KDM1B: variants seen among roughly 807,000 people sequenced by gnomAD.
KDM1B encodes the protein lysine-specific histone demethylase 2.
A neutral mutation model predicts 107.4 loss-of-function variants in KDM1B; 63 were observed. The ratio of observed to expected loss-of-function variants is 0.59; its 90% CI spans 0.48 to 0.72. KDM1B has a LOEUF of 0.72. Among genes scored for constraint, KDM1B ranks in the 30% least tolerant of loss-of-function variants. The pLI, the probability that KDM1B is intolerant of heterozygous loss-of-function variation, is 0.00. For synonymous variants in KDM1B, 363 were observed against 363.9 expected, an observed-to-expected ratio of 1.00 and a Z score of 0.03; for missense variants, 749 against 1,020.8, an observed-to-expected ratio of 0.73 and a Z score of 3.63.
At chr6:18,198,006 A>G (rs1186387659) in intron 12 of KDM1B, among the ~76,000 whole-genome samples, 6 of 150,972 alleles carry the variant, frequency 4.0e-5, no homozygotes, top group Non-Finnish European at 7.4e-5. Flanking sequence ...GCTCACCGCA[A>G]CCTCTGCCTC....
chr6:18,194,904 T>C (rs549395300), intron 10 of KDM1B, among the ~76,000 whole-genome samples: 9 of 152,308 alleles, frequency 5.9e-5, no homozygotes, highest in Middle Eastern at 3.4e-3. Flanking sequence ...TTTTTCATTA[T>C]CCCAAGAGGG....
intron 16 of KDM1B, 107 bp downstream of exon 16, chr6:18,207,636 C>T: frequency 1.5e-6 from 2 of 1,378,392 alleles, no homozygotes; most frequent in South Asian, 2.5e-5. Context: ...GGTGTTTAGC[C>T]AGGGTCTAGA....
At chr6:18,181,163 C>G (rs986552584) in intron 7 of KDM1B, among the ~76,000 whole-genome samples, 1 of 151,990 alleles carries the variant, frequency 6.6e-6, no homozygotes, top group Non-Finnish European at 1.5e-5. Flanking sequence ...ACAAAGATAG[C>G]AGAAAAAAAT....
At chr6:18,216,038 A>G (rs566932594) in intron 20 of KDM1B, among the ~76,000 whole-genome samples, 1 of 152,246 alleles carries the variant, frequency 6.6e-6, no homozygotes, top group Non-Finnish European at 1.5e-5. Context: ...ATGTAAGTTA[A>G]AGAGAAAGGG....
rs1188914223 is a variant in KDM1B, at chr6:18,191,210, C to T, written c.798C>T (p.Asn266=). ...AALSVHVPGM[N]RYFQPFYQPN... ...GTTACCTATCAGTTCCAGGCATGAA[C>T]CGATACTTCCAGCCTTTCTACCAGC... The change falls in exon 10 of 22, where the codon AAC becomes AAT. Residue 266 remains asparagine (N), a synonymous_variant. Coordinates refer to ENST00000650836, the MANE Select transcript of KDM1B (RefSeq NM_001364614.2). This position sits in a 1 kb window ranked among gnomAD's most constrained non-coding sequence, Gnocchi z 5.1. 3 of 1,550,412 alleles carry T rather than the reference C, an allele frequency of 1.9e-6. No homozygotes were observed. The highest frequency in any genetic ancestry group is 3.9e-5 in the Admixed American group (2 of 50,958).
intron 6 of KDM1B, 23 bp downstream of exon 6, chr6:18,166,401 T>A (rs1561908685): frequency 7.3e-7 from 1 of 1,377,462 alleles, no homozygotes; most frequent in East Asian, 2.3e-5. Context: ...ATGCTCTCTG[T>A]CTGTGAAGTA....
chr6:18,164,283 G>T (rs1396148857), intron 5 of KDM1B, among the ~76,000 whole-genome samples: 1 of 151,614 alleles, frequency 6.6e-6, no homozygotes, highest in Non-Finnish European at 1.5e-5. Context: ...GTGCACTACC[G>T]CACCTGGCTG....
intron 16 of KDM1B, among the ~76,000 whole-genome samples, 174 bp downstream of exon 16, chr6:18,207,703 C>T (rs1181781548): frequency 6.6e-6 from 1 of 152,172 alleles, no homozygotes; most frequent in Non-Finnish European, 1.5e-5. Context: ...AGTGAGGCAG[C>T]TGCTGCTGCT....
Position 18,212,361 on chromosome 6 carries a change from A to G in KDM1B, c.1867-127A>G, listed in dbSNP as rs150567093. 0.014 allele frequency: 10,069 copies of G among 738,116 alleles called. 110 individuals carry two copies. The highest frequency in any genetic ancestry group is 0.016 in the Non-Finnish European group (6,709 of 407,198). 45.7% of individuals were successfully genotyped at this position (738,116 alleles called of 1,614,324 possible). On this transcript the variant is annotated intron_variant, in intron 17 of 21. Transcript: ENST00000650836. The surrounding 1 kb of genome is among the most constrained non-coding windows in gnomAD (Gnocchi z 5.2). ...CATTGGCACCCTTGTGCAGTGAGCA[A>G]CCTGCACAGTTGCACATGGCAGCCC...
rs1234692236 is a variant in KDM1B at position 18,201,222 on chromosome 6, A to G, written c.1360-264A>G. Among the ~76,000 whole-genome samples the G allele has an allele frequency of 6.6e-6, 1 of 152,244 alleles. No individual in the cohort carries two copies. Among genetic ancestry groups the G allele is most frequent in the Non-Finnish European group, 1.5e-5 (1 of 68,044 alleles). On this transcript the variant is annotated intron_variant, in intron 13 of 21. Transcript: ENST00000650836. The surrounding 1 kb of genome is among the most constrained non-coding windows in gnomAD (Gnocchi z 4.3). ...ACAGGCAGTGTCTAGCATCTGAAAC[A>G]TTAGCCAAAAAGTTACAATGGGCAT...
At chr6:18,182,484 T>G (rs1251322997) in intron 7 of KDM1B, among the ~76,000 whole-genome samples, 1 of 152,196 alleles carries the variant, frequency 6.6e-6, no homozygotes, top group Non-Finnish European at 1.5e-5. Flanking sequence ...TTAATATGTC[T>G]TAAAAGATGT....
In KDM1B at chr6:18,200,982, T is replaced by C. The variant is rs1787992013; in HGVS notation, c.1359+406T>C. 6.6e-6 allele frequency among the ~76,000 whole-genome samples: 1 copy of C among 152,228 alleles called. No homozygotes were observed. The highest frequency in any genetic ancestry group is 1.5e-5 in the Non-Finnish European group (1 of 68,036). On this transcript the variant is annotated intron_variant, in intron 13 of 21. Coordinates refer to ENST00000650836, the MANE Select transcript of KDM1B (RefSeq NM_001364614.2). This position sits in a 1 kb window ranked among gnomAD's most constrained non-coding sequence, Gnocchi z 4.3. ...TGGGACATACTTATACTTAAAAAAA[T>C]TATGTATTACTAATCTGAACATCAT...
intron 12 of KDM1B, among the ~76,000 whole-genome samples, chr6:18,198,648 A>C (rs996153606): frequency 7.1e-5 from 10 of 141,520 alleles, no homozygotes; most frequent in East Asian, 5.9e-4. Context: ...AAAAAAAAAA[A>C]AAAAAAAAAC....
intron 10 of KDM1B, among the ~76,000 whole-genome samples, chr6:18,192,713 T>C (rs2150940547): frequency 6.8e-6 from 1 of 146,740 alleles, no homozygotes; most frequent in East Asian, 2.0e-4. Context: ...AAGACCAGCC[T>C]GGGCAAGATA....
At chr6:18,158,173 C>A (rs1784752174) in intron 2 of KDM1B, among the ~76,000 whole-genome samples, 1 of 152,018 alleles carries the variant, frequency 6.6e-6, no homozygotes, top group Non-Finnish European at 1.5e-5. Flanking sequence ...TGTTGTAGAA[C>A]TAAATGGCAG....
At chr6:18,173,942 C>T (rs777610072) in intron 7 of KDM1B, among the ~76,000 whole-genome samples, 1 of 152,084 alleles carries the variant, frequency 6.6e-6, no homozygotes, top group Non-Finnish European at 1.5e-5. Context: ...CACACCACCA[C>T]ACCTGGCTAA....
chr6:18,208,619 ATATATATATTTTTTTTTTTTTTTTTTTT>A (rs1266256229), intron 17 of KDM1B, among the ~76,000 whole-genome samples: 3 of 38,370 alleles, frequency 7.8e-5, no homozygotes, highest in Non-Finnish European at 1.5e-4. Context: ...ATATATATAT[ATATATATATTTTTTTTTTTTTTTTTTTT>A]TTTTTTTTTT....
intron 12 of KDM1B, among the ~76,000 whole-genome samples, chr6:18,199,579 A>C (rs908437611): frequency 6.6e-6 from 1 of 152,090 alleles, no homozygotes; most frequent in Non-Finnish European, 1.5e-5. Context: ...CTGCCTGTGC[A>C]CCCAAGAGCA....
In KDM1B at chr6:18,223,688, A is replaced by G. The variant is rs1454844779; in HGVS notation, c.*1696A>G. 2.6e-5 allele frequency: 4 copies of G among 152,174 alleles called. No homozygotes were observed. The highest frequency in any genetic ancestry group is 7.2e-5 in the African/African-American group (3 of 41,460). 9.4% of individuals were successfully genotyped at this position (152,174 alleles called of 1,614,324 possible). A position where few individuals can be genotyped will look rare whatever the true frequency, so the allele number is the denominator to read the frequency against. ...CATACTTCATTTGATTTTTTGTTTAAGAAGCCATGGTACTTTTTTCTTGAG... is the reference window on the plus strand; with the variant it reads ...CATACTTCATTTGATTTTTTGTTTAGGAAGCCATGGTACTTTTTTCTTGAG... On this transcript the variant is annotated 3_prime_UTR_variant, in exon 22 of 22. Transcript: ENST00000650836.
Sources: allele counts gnomAD v4.1 joint callset (sites outside exome capture counted in the v4.1 genomes callset), GRCh38; gene constraint gnomAD v4.1.1; non-coding constraint Gnocchi (gnomAD v3.1); transcripts MANE v1.5; gene names NCBI Gene and HGNC (gene_info 2026-07-23, HGNC 2026-07-21).